The following NRXN1 variants were observed in gnomAD, a reference collection of about 807,000 sequenced individuals.
NRXN1 encodes the protein neurexin-1.
A neutral mutation model predicts 150.9 loss-of-function variants in NRXN1; 39 were observed. That is an observed-to-expected ratio of 0.26 (90% CI 0.20 to 0.34). The LOEUF is 0.34. NRXN1 is among the 10% of genes least tolerant of loss of function. NRXN1 has a pLI of 1.00. For missense variants in NRXN1, 1,815 were observed against 1,949.9 expected (o/e 0.93, Z 1.30); for synonymous variants, 924 against 757.0 (o/e 1.22, Z -3.62).
intron 18 of NRXN1, among the ~76,000 whole-genome samples, chr2:50,128,291 T>C (rs1704914649): frequency 6.6e-6 from 1 of 152,178 alleles, no homozygotes; most frequent in Admixed American, 6.5e-5. Flanking sequence ...CCATGAGTCA[T>C]AATGACATCT....
At chr2:50,908,966 A>G (rs1684140910) in intron 5 of NRXN1, among the ~76,000 whole-genome samples, 1 of 152,076 alleles carries the variant, frequency 6.6e-6, no homozygotes, top group African/African-American at 2.4e-5. Flanking sequence ...TATAAGAAAT[A>G]AACTTATTTT....
intron 18 of NRXN1, among the ~76,000 whole-genome samples, chr2:50,229,616 A>G (rs184635908): frequency 6.6e-6 from 1 of 152,086 alleles, no homozygotes; most frequent in Non-Finnish European, 1.5e-5. Flanking sequence ...CTTAACCATT[A>G]CTTCTTCTAA....
intron 5 of NRXN1, among the ~76,000 whole-genome samples, chr2:50,635,355 C>T (rs1414654974): frequency 2.0e-5 from 3 of 149,058 alleles, no homozygotes; most frequent in Non-Finnish European, 3.0e-5. Context: ...TTAGTAGAGA[C>T]GGGGTTTCAC....
chr2:50,224,907 G>T (rs2152862917), intron 18 of NRXN1, among the ~76,000 whole-genome samples: 1 of 152,016 alleles, frequency 6.6e-6, no homozygotes, highest in African/African-American at 2.4e-5. Flanking sequence ...GTAGATATTA[G>T]AAATAAAAAT....
chr2:50,488,205 A>C (rs937650305), intron 15 of NRXN1, among the ~76,000 whole-genome samples: 1 of 152,180 alleles, frequency 6.6e-6, no homozygotes, highest in Non-Finnish European at 1.5e-5. Flanking sequence ...CAAGTAGCCT[A>C]TCCCCATATT....
intron 8 of NRXN1, among the ~76,000 whole-genome samples, chr2:50,587,738 AATG>A (rs1231409947): frequency 6.6e-6 from 1 of 152,192 alleles, no homozygotes; most frequent in Admixed American, 6.5e-5. Flanking sequence ...ATATTAATTA[AATG>A]ATAAGATAGA....
intron 5 of NRXN1, among the ~76,000 whole-genome samples, chr2:50,871,665 T>C (rs1177604487): frequency 1.3e-5 from 2 of 151,774 alleles, no homozygotes; most frequent in Non-Finnish European, 1.5e-5. Flanking sequence ...GTGGAGAGTG[T>C]TGGGAGAAAG....
intron 2 of NRXN1, among the ~76,000 whole-genome samples, chr2:50,945,477 T>G (rs1434053260): frequency 6.7e-6 from 1 of 148,278 alleles, no homozygotes; most frequent in Non-Finnish European, 1.5e-5. Flanking sequence ...AAATAATAAC[T>G]AGATATATAA....
chr2:50,173,579 T>A (rs943140093), intron 18 of NRXN1, among the ~76,000 whole-genome samples: 1 of 152,266 alleles, frequency 6.6e-6, no homozygotes, highest in South Asian at 2.1e-4. Flanking sequence ...TGATAATTAT[T>A]TGCCATGCCA....
intron 8 of NRXN1, among the ~76,000 whole-genome samples, chr2:50,566,556 T>A (rs528707291): frequency 3.3e-5 from 5 of 151,822 alleles, no homozygotes; most frequent in African/African-American, 1.2e-4. Context: ...TGCCCAGCCA[T>A]CATGTTAATA....
At chr2:51,002,480 G>A (rs1278383401) in intron 2 of NRXN1, among the ~76,000 whole-genome samples, 3 of 151,944 alleles carry the variant, frequency 2.0e-5, no homozygotes, top group South Asian at 4.1e-4. Flanking sequence ...AACACAAAAC[G>A]ATTCATATAA....
At chr2:50,126,923 A>T (rs577267975) in intron 18 of NRXN1, among the ~76,000 whole-genome samples, 1 of 152,152 alleles carries the variant, frequency 6.6e-6, no homozygotes, top group Non-Finnish European at 1.5e-5. Flanking sequence ...AAGGAAACTC[A>T]AGCTGCAATA....
chr2:50,513,328 T>C lies in NRXN1; in HGVS notation c.2375-6711A>G, dbSNP rs969420411. Among the ~76,000 whole-genome samples, 4 of 152,128 alleles carry C rather than the reference T, an allele frequency of 2.6e-5. No homozygotes were observed. The East Asian group carries it at 7.7e-4, about 29-fold the overall frequency. ...ATACACTATACACTATATAAAAATG[T>C]ATATTGAAAGAAACATCCACAATTT... On this transcript the variant is annotated intron_variant, in intron 12 of 22. Coordinates refer to ENST00000401669, the MANE Select transcript of NRXN1 (RefSeq NM_001330078.2).
intron 8 of NRXN1, among the ~76,000 whole-genome samples, chr2:50,591,091 C>T (rs1674113131): frequency 6.6e-6 from 1 of 152,086 alleles, no homozygotes; most frequent in African/African-American, 2.4e-5. Context: ...AAAGTGCCCA[C>T]AGCACTCCAG....
At chr2:50,787,767 G>T (rs938698481) in intron 5 of NRXN1, among the ~76,000 whole-genome samples, 1 of 151,578 alleles carries the variant, frequency 6.6e-6, no homozygotes, top group Non-Finnish European at 1.5e-5. Flanking sequence ...CAGGAACCAT[G>T]AGTTAGTTGT....
At chr2:50,349,529 T>C (rs1337548944) in intron 17 of NRXN1, among the ~76,000 whole-genome samples, 4 of 152,230 alleles carry the variant, frequency 2.6e-5, no homozygotes, top group Non-Finnish European at 1.5e-5. Context: ...GAAAGAGCAC[T>C]GGATTAGGAG....
At chr2:50,772,683 C>A (rs185889504) in intron 5 of NRXN1, among the ~76,000 whole-genome samples, 2 of 152,202 alleles carry the variant, frequency 1.3e-5, no homozygotes, top group East Asian at 3.9e-4. Context: ...TGTTCTGACC[C>A]ATCCTTGGTC....
intron 5 of NRXN1, among the ~76,000 whole-genome samples, chr2:50,885,603 A>G (rs1680114358): frequency 1.3e-5 from 2 of 151,354 alleles, no homozygotes; most frequent in Non-Finnish European, 3.0e-5. Context: ...AAAATGTAAA[A>G]ATGAAGTTGT....
intron 5 of NRXN1, among the ~76,000 whole-genome samples, chr2:50,872,258 A>C (rs1314441783): frequency 6.6e-6 from 1 of 151,860 alleles, no homozygotes; most frequent in East Asian, 1.9e-4. Flanking sequence ...GTGAGACCAA[A>C]AGATGAACTA....
Sources: allele counts gnomAD v4.1 joint callset (sites outside exome capture counted in the v4.1 genomes callset), GRCh38; gene constraint gnomAD v4.1.1; transcripts MANE v1.5; gene names NCBI Gene and HGNC (gene_info 2026-07-23, HGNC 2026-07-21).